The following GLIS3 variants were observed in gnomAD, a reference collection of about 807,000 sequenced individuals.
GLIS3 encodes GLIS family zinc finger 3.
In GLIS3, 53 loss-of-function variants were observed where a neutral mutation model predicts 78.6. That is an observed-to-expected ratio of 0.67 (90% confidence interval 0.54 to 0.85). The LOEUF (loss-of-function observed/expected upper bound fraction) is 0.85. Among genes scored for constraint, GLIS3 ranks in the 40% least tolerant of loss-of-function variants. The pLI is 0.00. For synonymous variants in GLIS3, 684 were observed against 509.9 expected (o/e 1.34, Z -4.60); for missense variants, 1,703 against 1,231.1 (o/e 1.38, Z -5.74).
At chr9:4,221,535 G>C (rs1003313985) in intron 2 of GLIS3, among the ~76,000 whole-genome samples, 1 of 152,090 alleles carries the variant, frequency 6.6e-6, no homozygotes, top group Non-Finnish European at 1.5e-5. Flanking sequence ...AGTGAAGCAA[G>C]AGGCTTCGAA....
chr9:4,081,146 A>T lies in GLIS3; in HGVS notation c.1710+36622T>A, dbSNP rs117611794. ...TATTCAGTGCAGGCCAGGCACTCAAATTCTTGCACATCACTAAGGAATACT... is the reference window on the plus strand; with the variant it reads ...TATTCAGTGCAGGCCAGGCACTCAATTTCTTGCACATCACTAAGGAATACT... On this transcript the variant is annotated intron_variant, in intron 4 of 10. Coordinates refer to ENST00000381971, the MANE Select transcript of GLIS3 (RefSeq NM_001042413.2). 1.8e-3 allele frequency: 273 copies of T among 152,316 alleles called. 2 individuals carry two copies. The East Asian group carries it at 0.041, about 23-fold the overall frequency. 9.4% of individuals were successfully genotyped at this position (152,316 alleles called of 1,614,324 possible). A position where few individuals can be genotyped will look rare whatever the true frequency, so the allele number is the denominator to read the frequency against.
intron 2 of GLIS3, among the ~76,000 whole-genome samples, chr9:4,218,057 T>A (rs1404663251): frequency 6.6e-6 from 1 of 152,218 alleles, no homozygotes; most frequent in Non-Finnish European, 1.5e-5. Context: ...TATGTCCAAG[T>A]GGATCTCCTT....
chr9:3,979,198 C>T (rs1371296893), intron 4 of GLIS3, among the ~76,000 whole-genome samples: 2 of 152,178 alleles, frequency 1.3e-5, no homozygotes, highest in Non-Finnish European at 2.9e-5. Flanking sequence ...AAACCTGTTA[C>T]TACCACTTTC....
At chr9:4,209,491 T>C (rs1820195237) in intron 2 of GLIS3, among the ~76,000 whole-genome samples, 1 of 152,216 alleles carries the variant, frequency 6.6e-6, no homozygotes, top group Non-Finnish European at 1.5e-5. Flanking sequence ...CTTCTCAAGA[T>C]GGACTTCCTT....
the GLIS3 span, among the ~76,000 whole-genome samples, chr9:4,355,222 G>A: frequency 6.6e-6 from 1 of 152,112 alleles, no homozygotes; most frequent in Admixed American, 6.5e-5. Context: ...TTGGAGTTGG[G>A]CACATCTGGG....
At chr9:4,483,826 C>G in the GLIS3 span, among the ~76,000 whole-genome samples, 12 of 151,768 alleles carry the variant, frequency 7.9e-5, no homozygotes, top group Non-Finnish European at 1.8e-4. Context: ...GGAAAACTTA[C>G]ACAAGGAGCT....
intron 4 of GLIS3, among the ~76,000 whole-genome samples, chr9:4,006,304 CAAAAAAAAA>C (rs71497513): frequency 6.1e-5 from 2 of 32,542 alleles, no homozygotes; most frequent in Admixed American, 3.2e-4. Context: ...TCATATGTCT[CAAAAAAAAA>C]AAAAAAAAAA....
chr9:3,899,464 CTA>C (rs1173406787), intron 6 of GLIS3, among the ~76,000 whole-genome samples: 2 of 149,618 alleles, frequency 1.3e-5, no homozygotes, highest in East Asian at 3.9e-4. Flanking sequence ...CTAAAATAAA[CTA>C]GGTGAAAAGT....
At chr9:4,245,440 G>A (rs1587126930) in intron 2 of GLIS3, among the ~76,000 whole-genome samples, 1 of 152,272 alleles carries the variant, frequency 6.6e-6, no homozygotes, top group South Asian at 2.1e-4. Context: ...TTATAAAACA[G>A]GAACCATAAC....
At position 3,929,669 on chromosome 9, in the gene GLIS3, G is replaced by A. The variant is rs144172994; in HGVS notation, c.1983+2691C>T. 1.8e-3 allele frequency among the ~76,000 whole-genome samples: 278 copies of A among 152,304 alleles called. 1 individual carries two copies. The highest frequency in any genetic ancestry group is 5.8e-3 in the African/African-American group (243 of 41,564). On this transcript the variant is annotated intron_variant, in intron 6 of 10. Transcript: ENST00000381971. ...ATATTAAATAAGCCCATGACTAACAGGGTGTGACAGAAAAGGGTTTTATTC... is the reference window on the plus strand; with the variant it reads ...ATATTAAATAAGCCCATGACTAACAAGGTGTGACAGAAAAGGGTTTTATTC...
At chr9:4,195,618 C>G (rs10121433) in intron 2 of GLIS3, among the ~76,000 whole-genome samples, 7,086 of 152,364 alleles carry the variant, frequency 0.047, 172 homozygotes, top group African/African-American at 0.075. Flanking sequence ...CCCAGATGGG[C>G]ACGCCCCCTG....
intron 4 of GLIS3, among the ~76,000 whole-genome samples, chr9:4,024,031 A>G (rs1023059008): frequency 6.9e-6 from 1 of 145,002 alleles, no homozygotes; most frequent in Non-Finnish European, 1.5e-5. Flanking sequence ...AAAACAAAAA[A>G]AAACAAAAAA....
intron 2 of GLIS3, among the ~76,000 whole-genome samples, chr9:4,278,757 A>C (rs1587279430): frequency 6.6e-6 from 1 of 152,252 alleles, no homozygotes; most frequent in Non-Finnish European, 1.5e-5. Context: ...AAGGTTACTT[A>C]TACATTTTGA....
chr9:3,925,454 C>G (rs888194154), intron 6 of GLIS3, among the ~76,000 whole-genome samples: 1 of 152,144 alleles, frequency 6.6e-6, no homozygotes, highest in Non-Finnish European at 1.5e-5. Flanking sequence ...GAAAAAAAAT[C>G]GATTCCTGGC....
At chr9:4,125,704 A>G in intron 3 of GLIS3, 30 bp downstream of exon 3, 1 of 1,550,342 alleles carries the variant, frequency 6.5e-7, no homozygotes, top group South Asian at 1.1e-5. Flanking sequence ...TATACCATAA[A>G]GAAAGGGGAA....
chr9:4,226,945 G>C (rs1821819100), intron 2 of GLIS3, among the ~76,000 whole-genome samples: 2 of 152,174 alleles, frequency 1.3e-5, no homozygotes, highest in Non-Finnish European at 2.9e-5. Context: ...ATGCTTAAGA[G>C]GTGCATAGCT....
At chr9:4,176,553 A>AT (rs899225153) in intron 2 of GLIS3, among the ~76,000 whole-genome samples, 29 of 152,032 alleles carry the variant, frequency 1.9e-4, no homozygotes, top group African/African-American at 7.0e-4. Flanking sequence ...GGTAGGAGGA[A>AT]TTTTTTTCAC....
intron 4 of GLIS3, among the ~76,000 whole-genome samples, chr9:3,967,831 G>A (rs1818072916): frequency 6.6e-6 from 1 of 152,158 alleles, no homozygotes; most frequent in African/African-American, 2.4e-5. Flanking sequence ...CGTAAAGAAT[G>A]TGCAGAAGGA....
At chr9:4,477,432 G>A in the GLIS3 span, among the ~76,000 whole-genome samples, 1 of 151,546 alleles carries the variant, frequency 6.6e-6, no homozygotes, top group South Asian at 2.1e-4. Flanking sequence ...GTTTTTTTTT[G>A]AGATAGGGGT....
Sources: allele counts gnomAD v4.1 joint callset (sites outside exome capture counted in the v4.1 genomes callset), GRCh38; gene constraint gnomAD v4.1.1; transcripts MANE v1.5; gene names NCBI Gene and HGNC (gene_info 2026-07-23, HGNC 2026-07-21).